CAMTA1: variants seen among roughly 807,000 people sequenced by gnomAD.
The protein encoded by CAMTA1 is calmodulin-binding transcription activator 1.
In CAMTA1, 27 loss-of-function variants were observed where a neutral mutation model predicts 170.9. That is an observed-to-expected ratio of 0.16 (90% CI 0.12 to 0.22). The LOEUF (loss-of-function observed/expected upper bound fraction) is 0.22. CAMTA1 is among the 10% of genes least tolerant of loss of function. The pLI, the probability that CAMTA1 is intolerant of heterozygous loss-of-function variation, is 1.00. For missense variants in CAMTA1, 1,619 were observed against 2,217.2 expected (o/e 0.73, Z 5.42); for synonymous variants, 833 against 891.5 (o/e 0.93, Z 1.17).
At chr1:7,026,971 C>A (rs987580351) in intron 3 of CAMTA1, among the ~76,000 whole-genome samples, 10 of 152,082 alleles carry the variant, frequency 6.6e-5, no homozygotes, top group African/African-American at 2.4e-4. Flanking sequence ...TTTCTGGCTA[C>A]TTTAATGTTC....
chr1:7,067,258 CG>C lies in CAMTA1; in HGVS notation c.235-24042del, dbSNP rs1401403841. 2.0e-5 allele frequency among the ~76,000 whole-genome samples: 3 copies of C among 152,154 alleles called. No homozygotes were observed. Among genetic ancestry groups the C allele is most frequent in the Non-Finnish European group, 4.4e-5 (3 of 68,018 alleles). On this transcript the variant is annotated intron_variant, in intron 3 of 22. Transcript: ENST00000303635. This position sits in a 1 kb window ranked among gnomAD's most constrained non-coding sequence, Gnocchi z 4.3. The stretch of plus-strand genomic sequence containing the variant: ...GCTTCCTAGGGACGAAGGCCTCTCC[CG>C]GGGCTGGGAAGTTCCTGTCCCTTGT...
intron 3 of CAMTA1, among the ~76,000 whole-genome samples, chr1:6,893,453 C>T (rs1220620372): frequency 6.6e-6 from 1 of 152,240 alleles, no homozygotes; most frequent in East Asian, 1.9e-4. Context: ...GTTTGGTTGC[C>T]CTCTTCAGTT....
intron 10 of CAMTA1, among the ~76,000 whole-genome samples, chr1:7,672,808 C>T (rs2149239778): frequency 6.6e-6 from 1 of 152,214 alleles, no homozygotes; most frequent in East Asian, 1.9e-4. Flanking sequence ...AACCCAGCAC[C>T]ATCTTCCCCA....
Position 7,634,417 on chromosome 1 carries a change from G to A in CAMTA1, c.511-5983G>A, listed in dbSNP as rs537304779. On this transcript the variant is annotated intron_variant, in intron 6 of 22. Transcript: ENST00000303635. This position sits in a 1 kb window ranked among gnomAD's most constrained non-coding sequence, Gnocchi z 6.2. The stretch of plus-strand genomic sequence containing the variant: ...GAGCAGGAGGTCGGGAGGCGAGGTC[G>A]GCCATGGGAAGTCATGGGGATTTTG... Among the ~76,000 whole-genome samples the A allele has an allele frequency of 3.3e-5, 5 of 152,172 alleles. No individual in the cohort carries two copies. The highest frequency in any genetic ancestry group is 4.8e-5 in the African/African-American group (2 of 41,494).
intron 6 of CAMTA1, among the ~76,000 whole-genome samples, chr1:7,495,722 A>T (rs2093815897): frequency 6.6e-6 from 1 of 152,188 alleles, no homozygotes. Context: ...GCGGAATGAA[A>T]ATTCCTACCC....
chr1:7,588,382 G>A lies in CAMTA1; in HGVS notation c.511-52018G>A, dbSNP rs879454004. On this transcript the variant is annotated intron_variant, in intron 6 of 22. Coordinates refer to ENST00000303635, the MANE Select transcript of CAMTA1 (RefSeq NM_015215.4). This position sits in a 1 kb window ranked among gnomAD's most constrained non-coding sequence, Gnocchi z 5.8. Reference sequence around the variant, plus strand: ...CACACACAGTCGGGATGGTCCGGGCGGGGGATGGCCCCAGGGGCTCAGGAG... The same window carrying A: ...CACACACAGTCGGGATGGTCCGGGCAGGGGATGGCCCCAGGGGCTCAGGAG... Among the ~76,000 whole-genome samples the A allele has an allele frequency of 1.6e-4, 24 of 152,166 alleles. No homozygotes were observed. The highest frequency in any genetic ancestry group is 6.5e-5 in the Admixed American group (1 of 15,286).
intron 4 of CAMTA1, among the ~76,000 whole-genome samples, chr1:7,114,297 G>A (rs6684264): frequency 0.19 from 29,483 of 151,926 alleles, 2,984 homozygotes; most frequent in South Asian, 0.27. Context: ...CAGAACCAAC[G>A]TGTGCCTCTG....
At chr1:7,388,962 GGGCCCTAACGCTC>G (rs1477230640) in intron 5 of CAMTA1, among the ~76,000 whole-genome samples, 2 of 152,216 alleles carry the variant, frequency 1.3e-5, no homozygotes, top group Non-Finnish European at 2.9e-5. Context: ...GACTGGGGCA[GGGCCCTAACGCTC>G]TGTTGTTACA....
At chr1:7,000,515 C>T (rs1698066363) in intron 3 of CAMTA1, among the ~76,000 whole-genome samples, 2 of 152,144 alleles carry the variant, frequency 1.3e-5, no homozygotes, top group South Asian at 4.1e-4. Flanking sequence ...GCCTGGAAAA[C>T]AAGCAGTGGA....
rs190582011 is a variant in CAMTA1, at chr1:7,100,018, G to C, written c.302+8647G>C. On this transcript the variant is annotated intron_variant, in intron 4 of 22. Coordinates refer to ENST00000303635, the MANE Select transcript of CAMTA1 (RefSeq NM_015215.4). ...TCAGTGTAGACGTGGGACCCCGGGA[G>C]GGTCTATTGCCCCCTATACAGATGT... 1.9e-3 allele frequency among the ~76,000 whole-genome samples: 295 copies of C among 152,262 alleles called. 1 individual carries two copies. The highest frequency in any genetic ancestry group is 0.01 in the Middle Eastern group (3 of 294).
chr1:7,445,950 G>T (rs1386604357), intron 5 of CAMTA1, among the ~76,000 whole-genome samples: 1 of 152,098 alleles, frequency 6.6e-6, no homozygotes, highest in African/African-American at 2.4e-5. Flanking sequence ...TCTGGGTGTG[G>T]CCACAGATGC....
intron 11 of CAMTA1, among the ~76,000 whole-genome samples, chr1:7,711,600 A>G (rs891319205): frequency 3.3e-5 from 5 of 152,208 alleles, no homozygotes; most frequent in African/African-American, 1.2e-4. Flanking sequence ...ATCACCTTTT[A>G]GTGAATCTTT....
chr1:6,810,575 G>A (rs1446043343), intron 1 of CAMTA1, among the ~76,000 whole-genome samples: 1 of 152,192 alleles, frequency 6.6e-6, no homozygotes, highest in Non-Finnish European at 1.5e-5. Flanking sequence ...GGGAGGCTGA[G>A]GCAGGCAGAT....
chr1:7,082,346 G>A (rs1223997976), intron 3 of CAMTA1, among the ~76,000 whole-genome samples: 1 of 152,168 alleles, frequency 6.6e-6, no homozygotes, highest in African/African-American at 2.4e-5. Context: ...GCTGAAGCAG[G>A]AGAATCTCTT....
intron 3 of CAMTA1, among the ~76,000 whole-genome samples, chr1:6,855,698 C>T (rs912614320): frequency 5.9e-5 from 9 of 151,888 alleles, no homozygotes; most frequent in East Asian, 1.9e-4. Flanking sequence ...TTGAAAGCAG[C>T]GTTTAATGTG....
chr1:7,212,272 C>T lies in CAMTA1; in HGVS notation c.303-37219C>T, dbSNP rs1182252918. Among the ~76,000 whole-genome samples the T allele has an allele frequency of 2.0e-5, 3 of 152,060 alleles. No homozygotes were observed. In the East Asian group the frequency reaches 5.8e-4, roughly 29 times the overall value. On this transcript the variant is annotated intron_variant, in intron 4 of 22. Transcript: ENST00000303635. ...GTTCTATTTTATGGTCTCTCCCCAT[C>T]CTTGTTGATTTTTTTAAGGATGGAA... is the stretch of plus-strand genomic sequence containing the variant.
At chr1:6,791,882 C>A (rs973241012) in intron 1 of CAMTA1, among the ~76,000 whole-genome samples, 2 of 152,096 alleles carry the variant, frequency 1.3e-5, no homozygotes, top group African/African-American at 4.8e-5. Context: ...AAGCCATGTT[C>A]CTATTTTGTC....
chr1:7,367,255 C>G (rs1030755853), intron 5 of CAMTA1, among the ~76,000 whole-genome samples: 1 of 152,158 alleles, frequency 6.6e-6, no homozygotes, highest in African/African-American at 2.4e-5. Context: ...TCTTTCAGAG[C>G]GAAAGGTCCA....
chr1:7,438,233 C>G (rs1277846289), intron 5 of CAMTA1, among the ~76,000 whole-genome samples: 2 of 152,108 alleles, frequency 1.3e-5, no homozygotes, highest in Non-Finnish European at 2.9e-5. Flanking sequence ...GGTCAGAGGT[C>G]TTGAGACTGG....
Sources: gnomAD v4.1 joint callset for allele counts (sites outside exome capture counted in the v4.1 genomes callset) on GRCh38, gnomAD v4.1.1 for gene constraint, Gnocchi (gnomAD v3.1) non-coding constraint, MANE v1.5 for transcripts, NCBI Gene and HGNC (gene_info 2026-07-23, HGNC 2026-07-21) for gene names.